The following SLC36A1 variants were observed in gnomAD, a reference collection of about 807,000 sequenced individuals.
SLC36A1 encodes the protein proton-coupled amino acid transporter 1.
SLC36A1 carries 30 observed loss-of-function variants against 47.5 expected under a neutral mutation model. That is an observed-to-expected ratio of 0.63 (90% CI 0.47 to 0.86). SLC36A1 has a LOEUF of 0.86. SLC36A1 is among the 40% of genes least tolerant of loss of function. The pLI, the probability that SLC36A1 is intolerant of heterozygous loss-of-function variation, is 0.00. For missense variants in SLC36A1, 517 were observed against 606.0 expected, an observed-to-expected ratio of 0.85 and a Z score of 1.54; for synonymous variants, 255 against 249.7, an observed-to-expected ratio of 1.02 and a Z score of -0.20.
At chr5:151,430,162 C>CTT in the SLC36A1 span, among the ~76,000 whole-genome samples, 37 of 130,696 alleles carry the variant, frequency 2.8e-4, no homozygotes, top group East Asian at 4.3e-3. Flanking sequence ...ATTAGCTAAA[C>CTT]TTTTTTTTTT....
upstream of SLC36A1, among the ~76,000 whole-genome samples, chr5:151,436,349 A>G (rs866373140): frequency 6.6e-6 from 1 of 151,956 alleles, no homozygotes; most frequent in African/African-American, 2.4e-5. Flanking sequence ...CATGTATTCT[A>G]CTCTTTCTAG....
chr5:151,521,622 A>G, the SLC36A1 span: 118 of 1,614,118 alleles, frequency 7.3e-5, no homozygotes, highest in African/African-American at 9.3e-4. Flanking sequence ...TGTCCAGCTT[A>G]TGGCTGAGGA....
the SLC36A1 span, among the ~76,000 whole-genome samples, chr5:151,417,630 T>A: frequency 2.0e-5 from 3 of 152,232 alleles, no homozygotes; most frequent in Admixed American, 6.5e-5. Flanking sequence ...TAGAGTGCTC[T>A]TGAAAGCATT....
chr5:151,505,783 G>C, the SLC36A1 span: 2 of 1,613,950 alleles, frequency 1.2e-6, no homozygotes, highest in Admixed American at 1.7e-5. Context: ...AACTGCGAGT[G>C]GTAGTAGCTG....
intron 7 of SLC36A1, among the ~76,000 whole-genome samples, chr5:151,472,645 A>G (rs1042033393): frequency 6.6e-6 from 1 of 152,216 alleles, no homozygotes; most frequent in Admixed American, 6.5e-5. Flanking sequence ...ATACTTTGAA[A>G]GTGCTCAAGT....
At chr5:151,399,828 C>A in the SLC36A1 span, among the ~76,000 whole-genome samples, 4 of 152,164 alleles carry the variant, frequency 2.6e-5, no homozygotes, top group African/African-American at 9.7e-5. Flanking sequence ...ATTCTGCATA[C>A]ACATAGTAAG....
At chr5:151,411,835 C>T in the SLC36A1 span, among the ~76,000 whole-genome samples, 6 of 144,628 alleles carry the variant, frequency 4.1e-5, no homozygotes, top group African/African-American at 1.5e-4. Context: ...AAACCTCCTT[C>T]ATAGCATTAA....
chr5:151,504,280 T>C, the SLC36A1 span: 1 of 141,506 alleles, frequency 7.1e-6, no homozygotes, highest in East Asian at 1.9e-4. Context: ...CCTTTTGACT[T>C]CTGTCTCCAG....
chr5:151,461,631 T>C (rs557152846), intron 2 of SLC36A1, among the ~76,000 whole-genome samples: 1 of 152,352 alleles, frequency 6.6e-6, no homozygotes, highest in South Asian at 2.1e-4. Context: ...CACTTGTGGA[T>C]ATTTGCACTT....
At chr5:151,461,790 T>G (rs923014331) in intron 2 of SLC36A1, among the ~76,000 whole-genome samples, 2 of 152,216 alleles carry the variant, frequency 1.3e-5, no homozygotes, top group African/African-American at 4.8e-5. Context: ...TTGATGAAAC[T>G]GTAGGATTAC....
At chr5:151,403,247 T>C in the SLC36A1 span, among the ~76,000 whole-genome samples, 1 of 152,176 alleles carries the variant, frequency 6.6e-6, no homozygotes, top group African/African-American at 2.4e-5. Context: ...TGATTTCTGC[T>C]TTAATTTTGT....
At chr5:151,427,796 C>T in the SLC36A1 span, among the ~76,000 whole-genome samples, 1 of 152,160 alleles carries the variant, frequency 6.6e-6, no homozygotes, top group Non-Finnish European at 1.5e-5. Context: ...CCCTGCCACT[C>T]AGGGTATTCA....
the SLC36A1 span, chr5:151,545,165 C>T: frequency 9.3e-6 from 15 of 1,614,106 alleles, no homozygotes; most frequent in East Asian, 2.7e-4. Context: ...CCAAGAATCA[C>T]CAGTGCCTTT....
the SLC36A1 span, chr5:151,542,602 C>T: frequency 6.2e-7 from 1 of 1,614,188 alleles, no homozygotes; most frequent in South Asian, 1.1e-5. Flanking sequence ...ATGGACATTG[C>T]TACCAGGGTC....
the SLC36A1 span, among the ~76,000 whole-genome samples, chr5:151,538,610 T>C: frequency 5.3e-5 from 8 of 152,214 alleles, no homozygotes. Context: ...AGCATCATGG[T>C]TTCCACCACT....
the SLC36A1 span, among the ~76,000 whole-genome samples, chr5:151,519,524 T>A: frequency 6.6e-6 from 1 of 152,146 alleles, no homozygotes; most frequent in Non-Finnish European, 1.5e-5. Context: ...TCTCGGAGAA[T>A]CTGATTCAGT....
At chr5:151,347,493 A>G in the SLC36A1 span, 1 of 1,612,118 alleles carries the variant, frequency 6.2e-7, no homozygotes, top group South Asian at 1.1e-5. Context: ...TCGGGGTGAC[A>G]AAGAGGTCTG....
the SLC36A1 span, chr5:151,546,034 T>C: frequency 6.2e-7 from 1 of 1,614,178 alleles, no homozygotes; most frequent in South Asian, 1.1e-5. Flanking sequence ...TCCATCCTTA[T>C]TTCCCTCTCT....
the SLC36A1 span, chr5:151,527,928 C>T: frequency 4.5e-6 from 7 of 1,567,540 alleles, no homozygotes; most frequent in Non-Finnish European, 5.2e-6. Context: ...GATTCATCTT[C>T]TGGACCTGCA....
Sources: gnomAD v4.1 joint callset for allele counts (sites outside exome capture counted in the v4.1 genomes callset) on GRCh38, gnomAD v4.1.1 for gene constraint, MANE v1.5 for transcripts, NCBI Gene and HGNC (gene_info 2026-07-23, HGNC 2026-07-21) for gene names.